TNPO1: variants seen among roughly 807,000 people sequenced by gnomAD.
The protein encoded by TNPO1 is transportin 1.
Under a neutral mutation model 119.5 loss-of-function variants are expected in TNPO1, and 8 were observed. The ratio of observed to expected loss-of-function variants is 0.07; its 90% CI spans 0.04 to 0.12. The LOEUF (loss-of-function observed/expected upper bound fraction) is 0.12. Among genes scored for constraint, TNPO1 ranks in the 10% least tolerant of loss-of-function variants. The pLI is 1.00. For synonymous variants in TNPO1, 362 were observed against 363.0 expected (o/e 1.00, Z 0.03); for missense variants, 576 against 1,089.8 (o/e 0.53, Z 6.64).
In TNPO1 at chr5:72,874,143, A is replaced by C. The variant is rs376046786; in HGVS notation, c.678+1423A>C. On this transcript the variant is annotated intron_variant, in intron 7 of 24. Transcript: ENST00000337273. ...TTTTGCTTTACTATTAAATATGTTA[A>C]TATTTGTTTACTACTTGATAGTCCT... Among the ~76,000 whole-genome samples the C allele has an allele frequency of 3.3e-5, 5 of 152,276 alleles. No individual in the cohort carries two copies. In the East Asian group the frequency reaches 7.7e-4, roughly 23 times the overall value.
intron 8 of TNPO1, 110 bp from the exon 9 acceptor site, chr5:72,877,115 AAAT>A: frequency 9.8e-6 from 5 of 509,178 alleles, no homozygotes; most frequent in Non-Finnish European, 1.7e-5. Flanking sequence ...AAAAAAAAAA[AAAT>A]TGCCTAGGTT....
Position 72,910,255 on chromosome 5 carries a change from T to C in TNPO1, c.*1582T>C, listed in dbSNP as rs1750471903. On this transcript the variant is annotated 3_prime_UTR_variant, in exon 25 of 25. Coordinates refer to ENST00000337273, the MANE Select transcript of TNPO1 (RefSeq NM_002270.4). Reference sequence around the variant, plus strand: ...GTTGGTTTGGATCCTCTTCATTTCATTTGTTTAGCTTTTCTGTTATTTTTC... The same window carrying C: ...GTTGGTTTGGATCCTCTTCATTTCACTTGTTTAGCTTTTCTGTTATTTTTC... 1 of 152,600 alleles carries C rather than the reference T, an allele frequency of 6.6e-6. No individual in the cohort carries two copies. The highest frequency in any genetic ancestry group is 6.5e-5 in the Admixed American group (1 of 15,278). 9.5% of individuals were successfully genotyped at this position (152,600 alleles called of 1,614,324 possible).
intron 7 of TNPO1, among the ~76,000 whole-genome samples, chr5:72,873,015 A>G (rs1747520828): frequency 6.6e-6 from 1 of 152,024 alleles, no homozygotes; most frequent in African/African-American, 2.4e-5. Flanking sequence ...CCTTCAATAT[A>G]CTGTTCAAAT....
chr5:72,903,477 A>G (rs1288797830), intron 22 of TNPO1, among the ~76,000 whole-genome samples: 1 of 152,208 alleles, frequency 6.6e-6, no homozygotes, highest in Non-Finnish European at 1.5e-5. Context: ...TGTGTGATGC[A>G]GGACATTAAA....
rs142209295 is a variant in TNPO1, at chr5:72,887,133, A to G, written c.1214A>G (p.His405Arg). The change falls in exon 12 of 25, where the codon CAT (histidine) becomes CGT (arginine). Residue 405 changes from histidine to arginine, a missense_variant. This residue lies in a region of TNPO1 where 310 missense variants were observed against 583.0 expected (regional missense o/e 0.53). Transcript: ENST00000337273. ...ANVYRDELLP[H>R]ILPLLKELLF... is the part of the protein sequence containing the mutation. ...GTGTATCGTGATGAACTGCTGCCACATATTTTGCCCCTTTTGAAAGAATTA... is the reference window on the plus strand; with the variant it reads ...GTGTATCGTGATGAACTGCTGCCACGTATTTTGCCCCTTTTGAAAGAATTA... 2.5e-6 allele frequency: 4 copies of G among 1,614,000 alleles called. No homozygotes were observed. The highest frequency in any genetic ancestry group is 2.5e-6 in the Non-Finnish European group (3 of 1,179,936).
At chr5:72,894,269 A>G (rs1440306063) in intron 18 of TNPO1, among the ~76,000 whole-genome samples, 1 of 152,176 alleles carries the variant, frequency 6.6e-6, no homozygotes. Flanking sequence ...TGACAATGAT[A>G]AGAAATTCCT....
rs191943260 is a variant in TNPO1 at position 72,821,329 on chromosome 5, T to G, written c.15+4577T>G. On this transcript the variant is annotated intron_variant, in intron 1 of 24. Coordinates refer to ENST00000337273, the MANE Select transcript of TNPO1 (RefSeq NM_002270.4). Reference sequence around the variant, plus strand: ...AAAGTTAATGCTAGGAAGGATAAGATTCCACCACTTTTGTTTTTACTAAGA... The same window carrying G: ...AAAGTTAATGCTAGGAAGGATAAGAGTCCACCACTTTTGTTTTTACTAAGA... 1.3e-4 allele frequency among the ~76,000 whole-genome samples: 20 copies of G among 152,284 alleles called. No individual in the cohort carries two copies. In the East Asian group the frequency reaches 3.7e-3, roughly 28 times the overall value.
At chr5:72,827,047 G>A (rs1168081417) in intron 1 of TNPO1, among the ~76,000 whole-genome samples, 1 of 152,142 alleles carries the variant, frequency 6.6e-6, no homozygotes, top group Non-Finnish European at 1.5e-5. Flanking sequence ...AGAAAAGGAA[G>A]AGGACATTGC....
intron 3 of TNPO1, among the ~76,000 whole-genome samples, chr5:72,854,546 T>TA (rs1745834665): frequency 6.6e-6 from 1 of 152,184 alleles, no homozygotes; most frequent in Admixed American, 6.5e-5. Context: ...GTGGGGGTAA[T>TA]ACTGAAGAAT....
At position 72,888,227 on chromosome 5, in the gene TNPO1, T is replaced by C. The variant is rs1748796797; in HGVS notation, c.1453T>C (p.Tyr485His). ...HWVVSQPPDT[Y>H]LKPLMTELLK... ...GGTGGTCAGCCAGCCGCCAGACACG[T>C]ACCTGAAGCCATTAATGACAGAATT... The change falls in exon 13 of 25, where the codon TAC becomes CAC. Residue 485 changes from tyrosine (Y) to histidine (H), a missense_variant. By Grantham distance (83) the Tyr-to-His change is moderately conservative (BLOSUM62 2). Transcript: ENST00000337273. The C allele has an allele frequency of 6.2e-7, 1 of 1,614,036 alleles. No individual in the cohort carries two copies. Among genetic ancestry groups the C allele is most frequent in the East Asian group, 2.2e-5 (1 of 44,894 alleles).
At chr5:72,901,219 A>G (rs1032159555) in intron 22 of TNPO1, 146 bp downstream of exon 22, 1 of 526,230 alleles carries the variant, frequency 1.9e-6, no homozygotes, top group Non-Finnish European at 3.2e-6. Flanking sequence ...ATTTCTTAAT[A>G]TCTTGAAATT....
At chr5:72,835,710 C>T (rs1019066426) in intron 1 of TNPO1, among the ~76,000 whole-genome samples, 2 of 152,124 alleles carry the variant, frequency 1.3e-5, no homozygotes, top group African/African-American at 4.8e-5. Flanking sequence ...CCCCTGGCCC[C>T]CCAAAATTTA....
At chr5:72,886,568 A>C (rs1434741674) in intron 11 of TNPO1, among the ~76,000 whole-genome samples, 1 of 152,198 alleles carries the variant, frequency 6.6e-6, no homozygotes, top group Non-Finnish European at 1.5e-5. Context: ...TTAATTTGCC[A>C]AGTAAGTTCT....
Position 72,847,569 on chromosome 5 carries a change from T to G in TNPO1, c.16-816T>G, listed in dbSNP as rs115506170. On this transcript the variant is annotated intron_variant, in intron 1 of 24. Transcript: ENST00000337273. ...GTATGTGAAAATACTTTAATGGAAT[T>G]AAACACTACCCAGTTGTAAAATTAC... Among the ~76,000 whole-genome samples, 770 of 152,368 alleles carry G rather than the reference T, an allele frequency of 5.1e-3. 5 individuals are homozygous for G. The highest frequency in any genetic ancestry group is 0.024 in the Middle Eastern group (7 of 294).
chr5:72,879,068 C>A (rs1748038482), intron 9 of TNPO1: 1 of 258,792 alleles, frequency 3.9e-6, no homozygotes, highest in African/African-American at 2.3e-5. Flanking sequence ...AAAGAGAATT[C>A]TGTTTCACCT....
chr5:72,896,007 C>T lies in TNPO1; in HGVS notation c.2144-451C>T, dbSNP rs1376291400. Among the ~76,000 whole-genome samples, 3 of 152,104 alleles carry T rather than the reference C, an allele frequency of 2.0e-5. No individual in the cohort carries two copies. The South Asian group carries it at 6.2e-4, about 32-fold the overall frequency. On this transcript the variant is annotated intron_variant, in intron 18 of 24. Coordinates refer to ENST00000337273, the MANE Select transcript of TNPO1 (RefSeq NM_002270.4). ...TTTCCTGCCTTTGCCTGTAATGTGACGTTTTCTGAGAGTCCATTTTTTTTT... is the reference window on the plus strand; with the variant it reads ...TTTCCTGCCTTTGCCTGTAATGTGATGTTTTCTGAGAGTCCATTTTTTTTT...
chr5:72,906,067 C>G (rs1302872149), intron 24 of TNPO1, among the ~76,000 whole-genome samples: 1 of 151,868 alleles, frequency 6.6e-6, no homozygotes, highest in East Asian at 1.9e-4. Context: ...TTTTTTCTTT[C>G]TTTTTTCCTG....
rs189533410 is a variant in TNPO1 at position 72,906,916 on chromosome 5, A to T, written c.*35+1471A>T. 1.5e-3 allele frequency among the ~76,000 whole-genome samples: 233 copies of T among 152,338 alleles called. 5 individuals carry two copies. The highest frequency in any genetic ancestry group is 0.015 in the Admixed American group (230 of 15,302). On this transcript the variant is annotated intron_variant, in intron 24 of 24. Transcript: ENST00000337273. ...GACATATCTGACTGGAAGCCAGAAG[A>T]TGTGCTGAATGAGCATGTACAGAAG...
At chr5:72,883,355 A>G in intron 11 of TNPO1, 123 bp downstream of exon 11, 1 of 632,806 alleles carries the variant, frequency 1.6e-6, no homozygotes, top group Non-Finnish European at 2.9e-6. Flanking sequence ...TAGTATATTC[A>G]GAGAGCTGTT....
Sources: gnomAD v4.1 joint callset for allele counts (sites outside exome capture counted in the v4.1 genomes callset) on GRCh38, gnomAD v4.1.1 for gene constraint, gnomAD v4.1.1 regional missense constraint, MANE v1.5 for transcripts, NCBI Gene and HGNC (gene_info 2026-07-23, HGNC 2026-07-21) for gene names.